Variants in ZYG11B observed in about 807,000 individuals in gnomAD.
ZYG11B encodes protein zyg-11 homolog B.
ZYG11B carries 36 observed loss-of-function variants against 82.4 expected under a neutral mutation model. That is an observed-to-expected ratio of 0.44 (90% confidence interval 0.33 to 0.58). The LOEUF (loss-of-function observed/expected upper bound fraction) is 0.58, where lower values mean the gene tolerates loss of function less well. Ranked by LOEUF, ZYG11B falls within the 20% of genes least tolerant of loss-of-function variation. ZYG11B has a pLI of 0.02. For missense variants in ZYG11B, 552 were observed against 895.6 expected (o/e 0.62, Z 4.90); for synonymous variants, 303 against 312.8 (o/e 0.97, Z 0.33).
chr1:52,807,160 C>T (rs963679869), intron 10 of ZYG11B, among the ~76,000 whole-genome samples: 1 of 151,826 alleles, frequency 6.6e-6, no homozygotes, highest in East Asian at 1.9e-4. Flanking sequence ...CGTGAGCCAC[C>T]GCGCCCGGCC....
intron 13 of ZYG11B, among the ~76,000 whole-genome samples, chr1:52,820,499 T>G (rs796690709): frequency 2.0e-5 from 3 of 151,342 alleles, no homozygotes; most frequent in African/African-American, 4.8e-5. Context: ...ATACAAAAAT[T>G]TAGCCAGGTG....
chr1:52,752,714 A>G (rs144122733), intron 1 of ZYG11B, among the ~76,000 whole-genome samples: 2 of 138,024 alleles, frequency 1.4e-5, no homozygotes, highest in Non-Finnish European at 3.0e-5. Flanking sequence ...TGCTATGCTA[A>G]TTCTGGGTAG....
At chr1:52,803,297 T>TATATAC (rs1553262870) in intron 10 of ZYG11B, among the ~76,000 whole-genome samples, 2 of 115,212 alleles carry the variant, frequency 1.7e-5, no homozygotes, top group African/African-American at 3.4e-5. Flanking sequence ...TATATATATA[T>TATATAC]ACACATATAT....
At chr1:52,740,138 T>A (rs1397207001) in intron 1 of ZYG11B, among the ~76,000 whole-genome samples, 1 of 152,210 alleles carries the variant, frequency 6.6e-6, no homozygotes, top group African/African-American at 2.4e-5. Flanking sequence ...AAACTCCTGG[T>A]TATTGTAGGT....
At chr1:52,817,777 G>GTGTATATATATATATATA (rs1352242565) in intron 13 of ZYG11B, among the ~76,000 whole-genome samples, 2 of 41,536 alleles carry the variant, frequency 4.8e-5, no homozygotes, top group African/African-American at 1.2e-4. Context: ...ATATATATGT[G>GTGTATATATATATATATA]TATATATATA....
At chr1:52,796,149 G>A in intron 6 of ZYG11B, 143 bp from the exon 7 acceptor site, 2 of 556,744 alleles carry the variant, frequency 3.6e-6, no homozygotes, top group East Asian at 3.0e-5. Flanking sequence ...AACACTAAGT[G>A]TAATTGTTAC....
chr1:52,777,789 T>A (rs1571771579), intron 3 of ZYG11B, among the ~76,000 whole-genome samples: 1 of 152,284 alleles, frequency 6.6e-6, no homozygotes, highest in East Asian at 1.9e-4. Context: ...AATATATTTT[T>A]AAAATATTTG....
intron 2 of ZYG11B, among the ~76,000 whole-genome samples, chr1:52,760,440 T>TAACAAC (rs138134419): frequency 1.7e-3 from 256 of 150,106 alleles, no homozygotes; most frequent in African/African-American, 5.4e-3. Flanking sequence ...ATGAGACTCT[T>TAACAAC]AACGACAACA....
At chr1:52,785,176 G>T in intron 5 of ZYG11B, 123 bp downstream of exon 5, 5 of 1,084,902 alleles carry the variant, frequency 4.6e-6, no homozygotes, top group Non-Finnish European at 5.2e-6. Flanking sequence ...GTATGACTGA[G>T]TGTAAGAAAA....
chr1:52,771,428 C>T lies in ZYG11B; in HGVS notation c.605C>T (p.Thr202Ile). 6.2e-7 allele frequency: 1 copy of T among 1,614,030 alleles called. No homozygotes were observed. The highest frequency in any genetic ancestry group is 8.5e-7 in the Non-Finnish European group (1 of 1,180,042). ...DISNTSITDI[T>I]ALLACKDRLK... ...TCTAACACCTCAATCACAGACATCA[C>T]TGCTCTACTGGCCTGCAAAGACCGA... The change falls in exon 3 of 14, where the codon ACT becomes ATT. Residue 202 changes from threonine (T) to isoleucine (I), a missense_variant. Physicochemically the swap from Thr to Ile is moderately conservative, Grantham distance 89. Coordinates refer to ENST00000294353, the MANE Select transcript of ZYG11B (RefSeq NM_024646.3). This position sits in a 1 kb window ranked among gnomAD's most constrained non-coding sequence, Gnocchi z 5.4.
intron 3 of ZYG11B, among the ~76,000 whole-genome samples, chr1:52,776,721 A>C (rs937658268): frequency 6.6e-6 from 1 of 152,126 alleles, no homozygotes; most frequent in Non-Finnish European, 1.5e-5. Context: ...TCCCTCTTAG[A>C]GTTTTTTTCA....
At chr1:52,810,405 A>G (rs1019784605) in intron 10 of ZYG11B, among the ~76,000 whole-genome samples, 2 of 152,014 alleles carry the variant, frequency 1.3e-5, no homozygotes, top group Non-Finnish European at 2.9e-5. Flanking sequence ...GACTCACTTT[A>G]TGTGCAAATT....
At chr1:52,800,191 G>A (rs370356870) in intron 8 of ZYG11B, among the ~76,000 whole-genome samples, 3 of 151,340 alleles carry the variant, frequency 2.0e-5, no homozygotes, top group East Asian at 1.9e-4. Context: ...CAAGAGGATC[G>A]CTTGAGCTTG....
intron 2 of ZYG11B, among the ~76,000 whole-genome samples, chr1:52,759,912 C>A (rs568710875): frequency 6.6e-6 from 1 of 152,242 alleles, no homozygotes; most frequent in East Asian, 1.9e-4. Context: ...CTCACTACAA[C>A]CTCTGCTTCC....
intron 10 of ZYG11B, among the ~76,000 whole-genome samples, chr1:52,802,340 CTTTTTTTTTTTTT>C (rs397980205): frequency 2.6e-5 from 2 of 78,074 alleles, no homozygotes; most frequent in South Asian, 4.7e-4. Flanking sequence ...TTCTTTCTCT[CTTTTTTTTTTTTT>C]TTTTTTTTTT....
Position 52,791,771 on chromosome 1 carries a change from A to G in ZYG11B, c.1334+1704A>G, listed in dbSNP as rs900537720. Among the ~76,000 whole-genome samples, 5 of 152,232 alleles carry G rather than the reference A, an allele frequency of 3.3e-5. No individual in the cohort carries two copies. In the South Asian group the frequency reaches 6.2e-4, roughly 19 times the overall value. ...GTGTTCCATTTTTTATTTGAAATAAACAATTTGGATAAAAATATAACTACG... is the reference window on the plus strand; with the variant it reads ...GTGTTCCATTTTTTATTTGAAATAAGCAATTTGGATAAAAATATAACTACG... On this transcript the variant is annotated intron_variant, in intron 6 of 13. Transcript: ENST00000294353.
Position 52,782,314 on chromosome 1 carries a change from A to AT in ZYG11B, c.1092+2323dup, listed in dbSNP as rs538799857. Among the ~76,000 whole-genome samples the AT allele has an allele frequency of 9.9e-5, 15 of 152,062 alleles. No individual in the cohort carries two copies. The South Asian group carries it at 3.1e-3, about 32-fold the overall frequency. ...ACTGTGTTGCCCAGGCTGGTCTCAA[A>AT]TTCCTGTGCTCAAGTGATTCTCCCG... On this transcript the variant is annotated intron_variant, in intron 4 of 13. Transcript: ENST00000294353.
chr1:52,819,427 C>A (rs1382398816), intron 13 of ZYG11B, among the ~76,000 whole-genome samples: 1 of 152,044 alleles, frequency 6.6e-6, no homozygotes, highest in Non-Finnish European at 1.5e-5. Context: ...AGGTTCCTTT[C>A]CTCATAACTC....
intron 1 of ZYG11B, among the ~76,000 whole-genome samples, chr1:52,731,284 GAAAAA>G (rs68054450): frequency 7.2e-6 from 1 of 139,004 alleles, no homozygotes; most frequent in Non-Finnish European, 1.6e-5. Context: ...CAAAAAAAAA[GAAAAA>G]AAAAAAAAAG....
Sources: gnomAD v4.1 joint callset for allele counts (sites outside exome capture counted in the v4.1 genomes callset) on GRCh38, gnomAD v4.1.1 for gene constraint, Gnocchi (gnomAD v3.1) non-coding constraint, MANE v1.5 for transcripts, NCBI Gene and HGNC (gene_info 2026-07-23, HGNC 2026-07-21) for gene names.